Variants in ACSS1 observed in about 807,000 individuals in gnomAD.
The protein encoded by ACSS1 is acetyl-coenzyme A synthetase 2-like, mitochondrial.
Under a neutral mutation model 75.3 loss-of-function variants are expected in ACSS1, and 42 were observed. That is an observed-to-expected ratio of 0.56 (90% CI 0.44 to 0.72). The LOEUF (loss-of-function observed/expected upper bound fraction) is 0.72. ACSS1 is among the 30% of genes least tolerant of loss of function. The probability of loss-of-function intolerance (pLI) is 0.00; values close to 1 mark genes in which losing one functional copy is unlikely to be tolerated. For synonymous variants in ACSS1, 380 were observed against 376.8 expected (o/e 1.01, Z -0.10); for missense variants, 782 against 935.7 (o/e 0.84, Z 2.14).
intron 6 of ACSS1, among the ~76,000 whole-genome samples, chr20:25,020,403 C>T (rs562229919): frequency 6.6e-6 from 1 of 152,276 alleles, no homozygotes; most frequent in Non-Finnish European, 1.5e-5. Context: ...CTTCACCAGG[C>T]TTAGGGTGAT....
intron 2 of ACSS1, among the ~76,000 whole-genome samples, chr20:25,033,023 C>A (rs2088853489): frequency 6.6e-6 from 1 of 152,182 alleles, no homozygotes; most frequent in Admixed American, 6.5e-5. Flanking sequence ...TGATAAAAGA[C>A]GGAACACTCC....
chr20:25,035,394 C>T (rs1054921456), intron 2 of ACSS1, among the ~76,000 whole-genome samples: 3 of 151,736 alleles, frequency 2.0e-5, no homozygotes, highest in African/African-American at 7.3e-5. Context: ...CAATTTCTCC[C>T]CATCTTTCCA....
chr20:25,036,389 A>G (rs1211346532), intron 2 of ACSS1, among the ~76,000 whole-genome samples: 1 of 152,212 alleles, frequency 6.6e-6, no homozygotes, highest in African/African-American at 2.4e-5. Flanking sequence ...ATTGTGACCA[A>G]CACGATAACT....
At chr20:25,013,930 T>C (rs756161241) in intron 9 of ACSS1, 31 bp downstream of exon 9, 1 of 1,586,834 alleles carries the variant, frequency 6.3e-7, no homozygotes, top group South Asian at 1.1e-5. Flanking sequence ...GGCAAGCACA[T>C]GACCCCCATG....
chr20:25,023,129 A>G lies in ACSS1; in HGVS notation c.808-37T>C, dbSNP rs2088653923. ...AAGAAACAAACAGCCCACCGAGGGC[A>G]CTCAGCCTCTCTGAGAGCAGCACTC... On this transcript the variant is annotated intron_variant, in intron 4 of 13. Coordinates refer to ENST00000323482, the MANE Select transcript of ACSS1 (RefSeq NM_032501.4). The G allele has an allele frequency of 3.1e-6, 5 of 1,592,116 alleles. No homozygotes were observed. The South Asian group carries it at 5.7e-5, about 18-fold the overall frequency.
chr20:25,040,743 G>A (rs555713738), intron 2 of ACSS1, among the ~76,000 whole-genome samples: 1 of 152,312 alleles, frequency 6.6e-6, no homozygotes. Flanking sequence ...CAGCCTGGGA[G>A]CCTGCAGCCC....
intron 12 of ACSS1, chr20:25,011,264 G>T (rs1384484401): frequency 2.0e-5 from 3 of 152,164 alleles, no homozygotes; most frequent in African/African-American, 7.2e-5. Context: ...TTTGTCTAAA[G>T]GTCACTTCCA....
intron 6 of ACSS1, among the ~76,000 whole-genome samples, chr20:25,021,136 A>C (rs2088616512): frequency 6.6e-6 from 1 of 152,222 alleles, no homozygotes; most frequent in Admixed American, 6.5e-5. Context: ...TTTAAGTCAG[A>C]GGGCAGGAGT....
chr20:25,014,623 C>T (rs1398099847), intron 8 of ACSS1, among the ~76,000 whole-genome samples: 1 of 152,132 alleles, frequency 6.6e-6, no homozygotes, highest in Non-Finnish European at 1.5e-5. Flanking sequence ...GGTGGTCTCT[C>T]GCCCCAAGCC....
At chr20:25,032,432 C>A in intron 2 of ACSS1, 1 of 1,389,292 alleles carries the variant, frequency 7.2e-7, no homozygotes, top group Non-Finnish European at 9.4e-7. Flanking sequence ...CTTTCGGCGC[C>A]TCATCCCTCT....
intron 2 of ACSS1, chr20:25,046,364 G>A (rs570518425): frequency 5.9e-6 from 1 of 169,496 alleles, no homozygotes; most frequent in Non-Finnish European, 1.3e-5. Flanking sequence ...CATGGTTTAT[G>A]TTTAACCACA....
At chr20:25,022,621 T>C (rs1368521405) in intron 5 of ACSS1, among the ~76,000 whole-genome samples, 1 of 152,190 alleles carries the variant, frequency 6.6e-6, no homozygotes, top group Non-Finnish European at 1.5e-5. Flanking sequence ...AAGCCATGCA[T>C]TTAATTTGGG....
At chr20:25,037,986 T>C (rs909926965) in intron 2 of ACSS1, among the ~76,000 whole-genome samples, 3 of 152,228 alleles carry the variant, frequency 2.0e-5, no homozygotes, top group Non-Finnish European at 4.4e-5. Context: ...CATTATTTGA[T>C]GTCATGACCA....
rs539765767 is a variant in ACSS1, at chr20:25,017,148, C to T, written c.1247-1918G>A. ...CCGAGGGACTACAGGCACGTACCACCACGCCCAGCTCCTAAGGACATCAGC... is the reference window on the plus strand; with the variant it reads ...CCGAGGGACTACAGGCACGTACCACTACGCCCAGCTCCTAAGGACATCAGC... On this transcript the variant is annotated intron_variant, in intron 7 of 13. Coordinates refer to ENST00000323482, the MANE Select transcript of ACSS1 (RefSeq NM_032501.4). Among the ~76,000 whole-genome samples, 11 of 152,312 alleles carry T rather than the reference C, an allele frequency of 7.2e-5. No individual in the cohort carries two copies. In the South Asian group the frequency reaches 2.3e-3, roughly 32 times the overall value.
intron 10 of ACSS1, among the ~76,000 whole-genome samples, chr20:25,013,322 C>T (rs1242121085): frequency 6.6e-6 from 1 of 152,208 alleles, no homozygotes; most frequent in Non-Finnish European, 1.5e-5. Context: ...CCAAGAAAGT[C>T]CCCGAGTGGG....
intron 2 of ACSS1, among the ~76,000 whole-genome samples, chr20:25,035,608 T>C (rs2088897829): frequency 6.6e-6 from 1 of 152,160 alleles, no homozygotes; most frequent in Non-Finnish European, 1.5e-5. Context: ...TTCACCATGT[T>C]GGCCAGGCTG....
In ACSS1 at chr20:25,048,130, AT is replaced by A. The variant is rs1223777949; in HGVS notation, c.385del (p.Ile129SerfsTer11). On this transcript the variant is annotated frameshift_variant, in exon 2 of 14. Coordinates refer to ENST00000323482, the MANE Select transcript of ACSS1 (RefSeq NM_032501.4). LOFTEE classifies it high-confidence loss of function. ...CGTTCCAGGCTCATCGCGCTCCCAGATCAAAGCAACGCTCTCGGGGGACTTC... is the reference window on the plus strand; with the variant it reads ...CGTTCCAGGCTCATCGCGCTCCCAGACAAAGCAACGCTCTCGGGGGACTTC... Reference protein sequence around the residue: ...VRKSPESVALIWERDEPGTEV... With the variant: ...VRKSPESVALXWERDEPGTEV... 1 of 1,613,542 alleles carries A rather than the reference AT, an allele frequency of 6.2e-7. No individual in the cohort carries two copies.
intron 2 of ACSS1, among the ~76,000 whole-genome samples, chr20:25,043,690 C>T (rs924492632): frequency 3.3e-5 from 5 of 152,236 alleles, no homozygotes; most frequent in African/African-American, 1.2e-4. Flanking sequence ...TCACCCCCAC[C>T]AGCAGGAGTT....
intron 7 of ACSS1, 122 bp from the exon 8 acceptor site, chr20:25,015,352 C>A: frequency 1.3e-6 from 1 of 781,564 alleles, no homozygotes; most frequent in Non-Finnish European, 2.0e-6. Flanking sequence ...ACTCTGTCTC[C>A]CAGGATGATC....
Sources: allele counts gnomAD v4.1 joint callset (sites outside exome capture counted in the v4.1 genomes callset), GRCh38; gene constraint gnomAD v4.1.1; transcripts MANE v1.5; gene names NCBI Gene and HGNC (gene_info 2026-07-23, HGNC 2026-07-21).